The following GATA4 variants were observed in gnomAD, a reference collection of about 807,000 sequenced individuals.
GATA4 encodes the protein transcription factor GATA-4.
GATA4 carries 7 observed loss-of-function variants against 37.9 expected under a neutral mutation model. The observed-to-expected ratio is 0.18, with a 90% confidence interval of 0.11 to 0.35. The LOEUF (loss-of-function observed/expected upper bound fraction) is 0.35. Among genes scored for constraint, GATA4 ranks in the 10% least tolerant of loss-of-function variants. GATA4 has a pLI of 1.00. For missense variants in GATA4, 647 were observed against 653.0 expected (o/e 0.99, Z 0.10); for synonymous variants, 372 against 292.6 (o/e 1.27, Z -2.77).
upstream of GATA4, among the ~76,000 whole-genome samples, chr8:11,702,543 G>T (rs533503002): frequency 5.2e-3 from 789 of 151,204 alleles, 3 homozygotes; most frequent in African/African-American, 0.017. This position sits in a 1 kb window ranked among gnomAD's most constrained non-coding sequence, Gnocchi z 4.4. Context: ...GAGTCCGAAG[G>T]ATCGCAGATT....
At chr8:11,679,969 A>G (rs1363825966) in intron 1 of GATA4, among the ~76,000 whole-genome samples, 2 of 152,088 alleles carry the variant, frequency 1.3e-5, no homozygotes, top group East Asian at 3.9e-4. Context: ...TGTTTCTCCC[A>G]CTCCCCGCAT....
chr8:11,699,461 C>A (rs1052843189), upstream of GATA4, among the ~76,000 whole-genome samples: 3 of 152,214 alleles, frequency 2.0e-5, no homozygotes, highest in Non-Finnish European at 4.4e-5. Context: ...GTCTGGGAAC[C>A]AGACTCCCTA....
At position 11,726,912 on chromosome 8, in the gene GATA4, C is replaced by G. The variant is rs543741570; in HGVS notation, c.616+17984C>G. On this transcript the variant is annotated intron_variant, in intron 2 of 6. Coordinates refer to ENST00000532059, the MANE Select transcript of GATA4 (RefSeq NM_001308093.3). ...ATCTTTCCCTGCCAGCTTGCAGAGA[C>G]TTCCGGAGTTTTCACTCATCTAGTT... Among the ~76,000 whole-genome samples the G allele has an allele frequency of 3.3e-5, 5 of 152,308 alleles. 1 individual carries two copies. The highest frequency in any genetic ancestry group is 4.1e-4 in the South Asian group (2 of 4,828).
intron 1 of GATA4, among the ~76,000 whole-genome samples, chr8:11,705,763 A>G (rs1799865402): frequency 6.6e-6 from 1 of 152,216 alleles, no homozygotes; most frequent in African/African-American, 2.4e-5. Context: ...CAGGCACTAT[A>G]TCAGCCATTT....
chr8:11,702,188 G>A (rs569944564), upstream of GATA4, among the ~76,000 whole-genome samples: 2 of 152,208 alleles, frequency 1.3e-5, no homozygotes, highest in African/African-American at 4.8e-5. The surrounding 1 kb of genome is among the most constrained non-coding windows in gnomAD (Gnocchi z 4.4). Flanking sequence ...GTCCTTGGCT[G>A]TGGGGAGGAC....
At chr8:11,721,606 G>T (rs988067789) in intron 2 of GATA4, among the ~76,000 whole-genome samples, 5 of 152,012 alleles carry the variant, frequency 3.3e-5, no homozygotes, top group Non-Finnish European at 2.9e-5. Flanking sequence ...GGTGTGCTTC[G>T]GCAGCAGGGC....
chr8:11,696,993 G>C (rs1799527474), intron 1 of GATA4, among the ~76,000 whole-genome samples: 1 of 152,230 alleles, frequency 6.6e-6, no homozygotes, highest in South Asian at 2.1e-4. Flanking sequence ...AGGCCCCCCG[G>C]GGAGATGGTG....
chr8:11,697,857 G>C (rs900225352), intron 1 of GATA4: 4 of 985,376 alleles, frequency 4.1e-6, no homozygotes, highest in African/African-American at 3.5e-5. Context: ...AGGAGGGAGC[G>C]GCCTTTGCGG....
intron 2 of GATA4, among the ~76,000 whole-genome samples, chr8:11,731,731 T>A (rs1294257181): frequency 6.6e-6 from 1 of 152,196 alleles, no homozygotes; most frequent in African/African-American, 2.4e-5. Flanking sequence ...GATGGCTAAT[T>A]TTATATGTAT....
At chr8:11,684,115 C>G (rs1340409738) in intron 1 of GATA4, among the ~76,000 whole-genome samples, 1 of 152,218 alleles carries the variant, frequency 6.6e-6, no homozygotes, top group African/African-American at 2.4e-5. Context: ...TTCAGCCTTG[C>G]CCTGGTGATG....
At chr8:11,748,787 C>T in intron 2 of GATA4, 129 bp from the exon 3 acceptor site, 1 of 1,038,410 alleles carries the variant, frequency 9.6e-7, no homozygotes, top group South Asian at 1.3e-5. Context: ...CAAGAGCAGC[C>T]CGAGGTGGTC....
At chr8:11,711,297 A>T (rs775185060) in intron 2 of GATA4, among the ~76,000 whole-genome samples, 8 of 152,140 alleles carry the variant, frequency 5.3e-5, no homozygotes, top group Non-Finnish European at 2.9e-5. Flanking sequence ...CTCTTCCCGG[A>T]TAGCTTATGA....
chr8:11,695,141 C>T (rs1402739808), intron 1 of GATA4, among the ~76,000 whole-genome samples: 2 of 152,204 alleles, frequency 1.3e-5, no homozygotes, highest in African/African-American at 4.8e-5. Context: ...CGCGGTGGCT[C>T]ACTCCTTTAA....
intron 1 of GATA4, among the ~76,000 whole-genome samples, chr8:11,686,673 T>A (rs557272393): frequency 3.3e-5 from 5 of 152,286 alleles, no homozygotes; most frequent in Admixed American, 1.3e-4. Context: ...AGGGGTGAGT[T>A]CCAGACACCC....
chr8:11,689,845 AG>A (rs1338837113), upstream of GATA4, among the ~76,000 whole-genome samples: 1 of 152,176 alleles, frequency 6.6e-6, no homozygotes, highest in African/African-American at 2.4e-5. Flanking sequence ...CATCAGGGCG[AG>A]GGAAGTTTGG....
At chr8:11,693,590 GAGAGAC>G (rs1313867984) in intron 1 of GATA4, among the ~76,000 whole-genome samples, 55 of 149,674 alleles carry the variant, frequency 3.7e-4, no homozygotes, top group African/African-American at 1.4e-3. Flanking sequence ...GAGAGAGAGA[GAGAGAC>G]AGAGGATTGA....
chr8:11,709,972 G>C lies in GATA4; in HGVS notation c.616+1044G>C, dbSNP rs1800100506. Among the ~76,000 whole-genome samples, 1 of 152,188 alleles carries C rather than the reference G, an allele frequency of 6.6e-6. No homozygotes were observed. Among genetic ancestry groups the C allele is most frequent in the Non-Finnish European group, 1.5e-5 (1 of 68,018 alleles). ...ACCCTGTGGGGGAGGGGAAGCCCAG[G>C]CTTGAGAAGCAAAGCTCGCGTTTAT... On this transcript the variant is annotated intron_variant, in intron 2 of 6. Transcript: ENST00000532059. This position sits in a 1 kb window ranked among gnomAD's most constrained non-coding sequence, Gnocchi z 4.3.
At chr8:11,679,561 G>GCC (rs1192119771) in intron 1 of GATA4, among the ~76,000 whole-genome samples, 1 of 152,238 alleles carries the variant, frequency 6.6e-6, no homozygotes, top group Admixed American at 6.5e-5. Flanking sequence ...CGAGCCCTGG[G>GCC]CCGCTTGCGG....
chr8:11,749,031 C>G lies in GATA4; in HGVS notation c.732C>G (p.Leu244=), dbSNP rs200443296. Residue 244 remains leucine (L), a synonymous_variant, in exon 3 of 7, where the codon CTC becomes CTG. Coordinates refer to ENST00000532059, the MANE Select transcript of GATA4 (RefSeq NM_001308093.3). The surrounding 1 kb of genome is among the most constrained non-coding windows in gnomAD (Gnocchi z 4.6). ...ACTATCTGTGCAACGCCTGCGGCCT[C>G]TACCACAAGATGAACGGCATCAACC... ...TGHYLCNACG[L]YHKMNGINRP... is the part of the protein sequence containing the mutation. 27 of 1,614,262 alleles carry G rather than the reference C, an allele frequency of 1.7e-5. No individual in the cohort carries two copies. In the East Asian group the frequency reaches 5.8e-4, roughly 35 times the overall value.
Sources: gnomAD v4.1 joint callset for allele counts (sites outside exome capture counted in the v4.1 genomes callset) on GRCh38, gnomAD v4.1.1 for gene constraint, Gnocchi (gnomAD v3.1) non-coding constraint, MANE v1.5 for transcripts, NCBI Gene and HGNC (gene_info 2026-07-23, HGNC 2026-07-21) for gene names.